GLB1L3: variants seen among roughly 807,000 people sequenced by gnomAD.
GLB1L3 encodes the protein galactosidase beta 1 like 3, also known as beta-galactosidase-1-like protein 3.
GLB1L3 carries 89 observed loss-of-function variants against 89.5 expected under a neutral mutation model. The observed-to-expected ratio is 0.99, with a 90% confidence interval of 0.84 to 1.19. The LOEUF (loss-of-function observed/expected upper bound fraction) is 1.19. GLB1L3 is among the 50% of genes most tolerant of loss of function. The probability of loss-of-function intolerance (pLI) is 0.00; values close to 1 mark genes in which losing one functional copy is unlikely to be tolerated. For missense variants in GLB1L3, 812 were observed against 813.3 expected (o/e 1.00, Z 0.02); for synonymous variants, 314 against 312.3 (o/e 1.01, Z -0.06).
intron 7 of GLB1L3, 95 bp downstream of exon 7, chr11:134,288,985 T>C (rs1941184614): frequency 3.7e-6 from 3 of 812,302 alleles, no homozygotes; most frequent in African/African-American, 3.4e-5. Context: ...GGCTGGACAC[T>C]GTGCATTCTG....
chr11:134,286,846 ACACAGAAAACATT>A (rs769498432), intron 6 of GLB1L3, among the ~76,000 whole-genome samples: 6 of 151,856 alleles, frequency 4.0e-5, no homozygotes, highest in African/African-American at 9.7e-5. Context: ...GCTATATAAT[ACACAGAAAACATT>A]TATACAAAAT....
rs1942709509 is a variant in GLB1L3, at chr11:134,311,100, AGGCTGTGT to A, written c.1218_1225del (p.Ala407SerfsTer20). 6.2e-7 allele frequency: 1 copy of A among 1,613,674 alleles called. No homozygotes were observed. The highest frequency in any genetic ancestry group is 8.5e-7 in the Non-Finnish European group (1 of 1,179,850). The stretch of plus-strand genomic sequence containing the variant: ...CCCCGAGTACCCAAACTTCCTCCCA[AGGCTGTGT>A]ATCCCCCCGTGAGACCGTCGCTGTA... On this transcript the variant is annotated frameshift_variant, in exon 13 of 20. Transcript: ENST00000431683. LOFTEE classifies it high-confidence loss of function.
Position 134,318,960 on chromosome 11 carries a change from T to TG in GLB1L3, c.*18_*19insG, listed in dbSNP as rs1381303165. ...CGCTGTAAAACTGTGTCTGAACATTTTTTTTTTTTTTTGAGATGGAGTCTC... is the reference window on the plus strand; with the variant it reads ...CGCTGTAAAACTGTGTCTGAACATTTGTTTTTTTTTTTTGAGATGGAGTCTC... On this transcript the variant is annotated 3_prime_UTR_variant, in exon 20 of 20. Coordinates refer to ENST00000431683, the MANE Select transcript of GLB1L3 (RefSeq NM_001080407.3). 1 of 1,578,636 alleles carries TG rather than the reference T, an allele frequency of 6.3e-7. No homozygotes were observed. The highest frequency in any genetic ancestry group is 1.1e-5 in the South Asian group (1 of 89,040).
chr11:134,299,147 G>T (rs1164829253), intron 9 of GLB1L3, among the ~76,000 whole-genome samples: 1 of 151,646 alleles, frequency 6.6e-6, no homozygotes, highest in Non-Finnish European at 1.5e-5. Flanking sequence ...TTGATTTCTA[G>T]TATTTCCATT....
At chr11:134,308,214 CCATCACCAT>C (rs1191645101) in intron 10 of GLB1L3, among the ~76,000 whole-genome samples, 3,984 of 28,098 alleles carry the variant, frequency 0.14, 591 homozygotes, top group African/African-American at 0.26. Flanking sequence ...ACCACCACCA[CCATCACCAT>C]CACCACCACC....
At chr11:134,290,290 C>T (rs919718811) in intron 7 of GLB1L3, among the ~76,000 whole-genome samples, 1 of 151,978 alleles carries the variant, frequency 6.6e-6, no homozygotes, top group South Asian at 2.1e-4. Flanking sequence ...TAAAATTTAC[C>T]GGCTGTGCTC....
intron 10 of GLB1L3, among the ~76,000 whole-genome samples, chr11:134,308,497 A>ACC (rs1565414065): frequency 5.7e-3 from 36 of 6,340 alleles, no homozygotes; most frequent in African/African-American, 0.017. Context: ...CATCACCACC[A>ACC]AATACCACCA....
Position 134,312,223 on chromosome 11 carries a change from G to T in GLB1L3, c.1288-126G>T, listed in dbSNP as rs1020725213. On this transcript the variant is annotated intron_variant, in intron 13 of 19. Coordinates refer to ENST00000431683, the MANE Select transcript of GLB1L3 (RefSeq NM_001080407.3). ...CACAGAGCAGTGTCACATGGCATCT[G>T]TTTCATCATTTCCCATTTGAAGAAC... 1.3e-4 allele frequency: 140 copies of T among 1,066,368 alleles called. 1 individual carries two copies. Among genetic ancestry groups the T allele is most frequent in the Non-Finnish European group, 1.1e-4 (82 of 733,164 alleles). The allele number at this position is 1,066,368 out of a possible 1,614,324, so 66.1% of individuals were successfully genotyped here.
In GLB1L3 at chr11:134,290,579, C is replaced by CCCA. The variant is rs143545857; in HGVS notation, c.730-1553_730-1552insCCA. On this transcript the variant is annotated intron_variant, in intron 7 of 19. Transcript: ENST00000431683. ...CAGAGTGAGACTCGTCCCCCCCCGC[C>CCCA]AAAAAAAAAGAAAAGAAAAAAAAAG... Among the ~76,000 whole-genome samples, 23 of 117,140 alleles carry CCCA rather than the reference C, an allele frequency of 2.0e-4. 1 individual carries two copies. The highest frequency in any genetic ancestry group is 2.1e-4 in the Non-Finnish European group (12 of 58,146). 76.8% of individuals were successfully genotyped at this position (117,140 alleles called of 152,430 possible).
chr11:134,278,438 C>T (rs1332502391), intron 3 of GLB1L3, among the ~76,000 whole-genome samples: 1 of 152,072 alleles, frequency 6.6e-6, no homozygotes, highest in Admixed American at 6.6e-5. Context: ...GTGCATGCCA[C>T]CACACCAGGC....
In GLB1L3 at chr11:134,276,415, A is replaced by G. The variant is rs1224066901; in HGVS notation, c.-326A>G. The G allele has an allele frequency of 1.4e-5, 4 of 282,462 alleles. No individual in the cohort carries two copies. The highest frequency in any genetic ancestry group is 3.3e-4 in the South Asian group (2 of 6,100). 17.5% of individuals were successfully genotyped at this position (282,462 alleles called of 1,614,324 possible). ...AGCCGGCTGTCGACCCAGGTTAGGA[A>G]GCCCGAGGTCGGGGCGTTACCCCAA... On this transcript the variant is annotated 5_prime_UTR_variant, in exon 1 of 20. Coordinates refer to ENST00000431683, the MANE Select transcript of GLB1L3 (RefSeq NM_001080407.3).
At position 134,314,334 on chromosome 11, in the gene GLB1L3, C is replaced by T. The variant is rs543697948; in HGVS notation, c.1672C>T (p.Arg558Cys). 2.0e-5 allele frequency: 31 copies of T among 1,546,456 alleles called. No homozygotes were observed. Among genetic ancestry groups the T allele is most frequent in the African/African-American group, 8.3e-5 (6 of 72,718 alleles). ...ATGGCTTGGCCTTTCTTCCAGGCTC[C>T]GCTCTGCCACCTGGAAGCCTGTCCC... ...EMKMSFFERLRSATWKPVPDS... is the reference protein window; with the variant it reads ...EMKMSFFERLCSATWKPVPDS... Residue 558 changes from arginine (R) to cysteine (C), a missense_variant, in exon 18 of 20, where the codon CGC becomes TGC. By Grantham distance (180) the Arg-to-Cys change is radical (BLOSUM62 -3). This residue lies in a region of GLB1L3 where 618 missense variants were observed against 604.0 expected (regional missense o/e 1.02). Coordinates refer to ENST00000431683, the MANE Select transcript of GLB1L3 (RefSeq NM_001080407.3).
intron 9 of GLB1L3, among the ~76,000 whole-genome samples, chr11:134,298,836 A>T (rs1941790611): frequency 6.6e-6 from 1 of 152,162 alleles, no homozygotes; most frequent in Admixed American, 6.5e-5. Flanking sequence ...CATCCTAGTG[A>T]GATTCATCCC....
At chr11:134,305,142 T>C in intron 9 of GLB1L3, 6 of 1,514,428 alleles carry the variant, frequency 4.0e-6, no homozygotes, top group Non-Finnish European at 4.5e-6. Flanking sequence ...AGGACTGCTC[T>C]CAGATGCCTC....
rs200424405 is a variant in GLB1L3, at chr11:134,310,608, A to G, written c.1137A>G (p.Thr379=). The G allele has an allele frequency of 6.2e-7, 1 of 1,613,632 alleles. No homozygotes were observed. The highest frequency in any genetic ancestry group is 1.1e-5 in the South Asian group (1 of 90,976). Reference sequence around the variant, plus strand: ...TGCTCACGGAGGCTGGAGATTACACAGAAAAATATCTGAAGCTTCAAAAAC... The same window carrying G: ...TGCTCACGGAGGCTGGAGATTACACGGAAAAATATCTGAAGCTTCAAAAAC... ...DAVLTEAGDY[T]EKYLKLQKLF... is the part of the protein sequence containing the mutation. Residue 379 remains threonine, a synonymous_variant, in exon 12 of 20, where the codon ACA becomes ACG. Transcript: ENST00000431683.
At chr11:134,302,422 A>G (rs1480653085) in intron 9 of GLB1L3, among the ~76,000 whole-genome samples, 3 of 152,222 alleles carry the variant, frequency 2.0e-5, no homozygotes, top group Non-Finnish European at 4.4e-5. Flanking sequence ...GACTTTGGAC[A>G]TCATAGTTGA....
chr11:134,313,851 T>G (rs111678020), intron 16 of GLB1L3, 90 bp from the exon 17 acceptor site: 2 of 816,380 alleles, frequency 2.4e-6, no homozygotes. Flanking sequence ...TCCTAAGGCA[T>G]GTACAAGTCT....
chr11:134,278,360 C>T (rs80184844), intron 3 of GLB1L3, among the ~76,000 whole-genome samples: 3,584 of 152,130 alleles, frequency 0.024, 126 homozygotes, highest in African/African-American at 0.079. Context: ...TCTTAGCTCA[C>T]GGCAGCTTCT....
intron 7 of GLB1L3, among the ~76,000 whole-genome samples, chr11:134,289,992 G>T (rs560524650): frequency 2.0e-5 from 3 of 152,360 alleles, no homozygotes; most frequent in Admixed American, 2.0e-4. Context: ...TGGAGGCCGG[G>T]GCGGGAAGGA....
Sources: gnomAD v4.1 joint callset for allele counts (sites outside exome capture counted in the v4.1 genomes callset) on GRCh38, gnomAD v4.1.1 for gene constraint, gnomAD v4.1.1 regional missense constraint, MANE v1.5 for transcripts, NCBI Gene and HGNC (gene_info 2026-07-23, HGNC 2026-07-21) for gene names.